LDLRAD4: variants seen among roughly 807,000 people sequenced by gnomAD.
LDLRAD4 encodes low density lipoprotein receptor class A domain containing 4.
A neutral mutation model predicts 17.0 loss-of-function variants in LDLRAD4; 5 were observed. That is an observed-to-expected ratio of 0.29 (90% CI 0.15 to 0.62). LDLRAD4 has a LOEUF of 0.62. Among genes scored for constraint, LDLRAD4 ranks in the 20% least tolerant of loss-of-function variants. LDLRAD4 has a pLI of 0.84. For synonymous variants in LDLRAD4, 168 were observed against 171.8 expected, an observed-to-expected ratio of 0.98 and a Z score of 0.17; for missense variants, 340 against 424.7, an observed-to-expected ratio of 0.80 and a Z score of 1.75.
chr18:13,481,487 G>A (rs2093082807), intron 3 of LDLRAD4, among the ~76,000 whole-genome samples: 1 of 152,196 alleles, frequency 6.6e-6, no homozygotes, highest in South Asian at 2.1e-4. Context: ...CTGTGACACG[G>A]TTGTGCATGG....
rs2093381663 is a variant in LDLRAD4 at position 13,492,586 on chromosome 18, ATTG to A, written c.181+54204_181+54206del. Among the ~76,000 whole-genome samples the A allele has an allele frequency of 3.9e-5, 6 of 152,322 alleles. No homozygotes were observed. The South Asian group carries it at 1.2e-3, about 32-fold the overall frequency. On this transcript the variant is annotated intron_variant, in intron 3 of 5. Transcript: ENST00000359446. ...AAAGGCCACAGGATGGCCAATGGGC[ATTG>A]TCAGACCCTACTCAGGAGTGGGATC...
At chr18:13,301,900 G>C (rs995530327) in intron 1 of LDLRAD4, among the ~76,000 whole-genome samples, 1 of 152,172 alleles carries the variant, frequency 6.6e-6, no homozygotes, top group Non-Finnish European at 1.5e-5. Context: ...TTTGATGGCA[G>C]GGGAGGGACC....
chr18:13,632,506 G>A (rs562966203), intron 4 of LDLRAD4, among the ~76,000 whole-genome samples: 30 of 152,316 alleles, frequency 2.0e-4, no homozygotes, highest in Non-Finnish European at 3.2e-4. Context: ...AGGCACTTGC[G>A]TCTGGATGAG....
At chr18:13,644,395 C>T (rs1048494075) in intron 5 of LDLRAD4, among the ~76,000 whole-genome samples, 2 of 129,116 alleles carry the variant, frequency 1.5e-5, no homozygotes, top group Non-Finnish European at 1.6e-5. Flanking sequence ...GACAAAACCC[C>T]ATCTCAAAAA....
intron 1 of LDLRAD4, among the ~76,000 whole-genome samples, chr18:13,220,558 C>T (rs1275564642): frequency 6.6e-6 from 1 of 152,208 alleles, no homozygotes. Flanking sequence ...TGCACCCCAC[C>T]CTACTCCCAC....
chr18:13,640,326 T>C (rs2042436870), intron 4 of LDLRAD4, among the ~76,000 whole-genome samples: 1 of 149,146 alleles, frequency 6.7e-6, no homozygotes, highest in Non-Finnish European at 1.5e-5. Context: ...TCCGTTCAAG[T>C]ATTAGGATGA....
intron 1 of LDLRAD4, among the ~76,000 whole-genome samples, chr18:13,303,529 G>A (rs9964439): frequency 0.023 from 3,526 of 151,448 alleles, 126 homozygotes; most frequent in African/African-American, 0.079. Flanking sequence ...AGGGGCTCTC[G>A]TTATGTTGCC....
At chr18:13,282,093 C>A (rs1054920725) in intron 1 of LDLRAD4, among the ~76,000 whole-genome samples, 1 of 152,178 alleles carries the variant, frequency 6.6e-6, no homozygotes, top group African/African-American at 2.4e-5. Flanking sequence ...TATTCACTAT[C>A]ATGAGAATAG....
chr18:13,449,408 G>A (rs1289806556), intron 3 of LDLRAD4, among the ~76,000 whole-genome samples: 1 of 152,236 alleles, frequency 6.6e-6, no homozygotes, highest in African/African-American at 2.4e-5. Context: ...CCAGCCATGA[G>A]GCCTGGAAGG....
At chr18:13,458,613 C>T (rs2092271252) in intron 3 of LDLRAD4, among the ~76,000 whole-genome samples, 1 of 152,200 alleles carries the variant, frequency 6.6e-6, no homozygotes, top group Non-Finnish European at 1.5e-5. Context: ...TTCTTAATCC[C>T]TGGAACCTGT....
intron 3 of LDLRAD4, among the ~76,000 whole-genome samples, chr18:13,610,274 T>C (rs2039385485): frequency 3.3e-5 from 1 of 30,174 alleles, no homozygotes; most frequent in Non-Finnish European, 6.6e-5. Context: ...AATTTTTTTT[T>C]TTTTTTTTTT....
At chr18:13,372,077 A>G (rs1321542758) in intron 1 of LDLRAD4, among the ~76,000 whole-genome samples, 1 of 152,238 alleles carries the variant, frequency 6.6e-6, no homozygotes, top group Non-Finnish European at 1.5e-5. Flanking sequence ...CCTGAATGCC[A>G]TAATTCTGCT....
At chr18:13,651,921 A>G (rs1484226522) in exon 6 of LDLRAD4, 1 of 152,242 alleles carries the variant, frequency 6.6e-6, no homozygotes, top group African/African-American at 2.4e-5. Context: ...TGACTCTACA[A>G]TGCAACCCTT....
At chr18:13,225,196 G>A (rs949300775) in intron 1 of LDLRAD4, among the ~76,000 whole-genome samples, 10 of 152,328 alleles carry the variant, frequency 6.6e-5, no homozygotes, top group East Asian at 5.8e-4. Flanking sequence ...TGACGTGTAC[G>A]TCCTATGAAA....
intron 2 of LDLRAD4, among the ~76,000 whole-genome samples, chr18:13,421,988 G>A (rs1031746414): frequency 2.0e-5 from 3 of 152,226 alleles, no homozygotes; most frequent in Non-Finnish European, 2.9e-5. Flanking sequence ...CCATGCTTCT[G>A]ATGCTCATTA....
intron 2 of LDLRAD4, among the ~76,000 whole-genome samples, chr18:13,404,925 C>T (rs948555401): frequency 1.3e-5 from 2 of 151,868 alleles, no homozygotes; most frequent in East Asian, 1.9e-4. Context: ...AATCGCAAAT[C>T]TCTGTAGGTC....
intron 1 of LDLRAD4, among the ~76,000 whole-genome samples, chr18:13,229,371 G>C (rs1476186831): frequency 6.6e-6 from 1 of 152,202 alleles, no homozygotes; most frequent in African/African-American, 2.4e-5. Context: ...CCACCTTGTA[G>C]GTTTTTGAGA....
intron 3 of LDLRAD4, among the ~76,000 whole-genome samples, chr18:13,497,317 C>T (rs2093490360): frequency 6.6e-6 from 1 of 151,510 alleles, no homozygotes; most frequent in Non-Finnish European, 1.5e-5. Context: ...GCTGGGACTA[C>T]CGGGACATGC....
intron 3 of LDLRAD4, among the ~76,000 whole-genome samples, chr18:13,618,216 A>G (rs569507640): frequency 7.2e-5 from 11 of 152,368 alleles, no homozygotes; most frequent in Non-Finnish European, 1.6e-4. Flanking sequence ...AGATATTTGC[A>G]CATCGATTCC....
Sources: allele counts gnomAD v4.1 joint callset (sites outside exome capture counted in the v4.1 genomes callset), GRCh38; gene constraint gnomAD v4.1.1; transcripts MANE v1.5; gene names NCBI Gene and HGNC (gene_info 2026-07-23, HGNC 2026-07-21).